Variants in TARBP1 observed in about 807,000 individuals in gnomAD.
The protein encoded by TARBP1 is tRNA guanosine 2 -O-methyltransferase TARBP1, also known as tRNA (guanosine(18)-2'-O)-methyltransferase TARBP1.
Under a neutral mutation model 178.6 loss-of-function variants are expected in TARBP1, and 144 were observed. The observed-to-expected ratio is 0.81, with a 90% CI of 0.70 to 0.93. TARBP1 has a LOEUF of 0.93. Among genes scored for constraint, TARBP1 ranks in the 40% least tolerant of loss-of-function variants. The pLI is 0.00. For synonymous variants in TARBP1, 787 were observed against 781.0 expected, an observed-to-expected ratio of 1.01 and a Z score of -0.13; for missense variants, 2,067 against 2,011.7, an observed-to-expected ratio of 1.03 and a Z score of -0.53.
intron 20 of TARBP1, among the ~76,000 whole-genome samples, chr1:234,422,229 ATCT>A (rs755365171): frequency 2.0e-5 from 3 of 152,070 alleles, no homozygotes; most frequent in Non-Finnish European, 2.9e-5. Context: ...TCAGCTCAAA[ATCT>A]TCTTCTGTCT....
rs1246385446 is a variant in TARBP1, at chr1:234,392,406, A to G, written c.4697+10T>C. ...CAGAGAATATACTATGGACACAAGA[A>G]GCTTCTTACCCCAACAAGAGCAGAG... On this transcript the variant is annotated intron_variant, in intron 29 of 29. Transcript: ENST00000040877. 6 of 1,612,882 alleles carry G rather than the reference A, an allele frequency of 3.7e-6. No individual in the cohort carries two copies. The Admixed American group carries it at 1.0e-4, about 27-fold the overall frequency.
Position 234,457,823 on chromosome 1 carries a change from C to T in TARBP1, c.1633-67G>A, listed in dbSNP as rs996068068. The T allele has an allele frequency of 4.3e-6, 5 of 1,175,522 alleles. No individual in the cohort carries two copies. The African/African-American group carries it at 7.7e-5, about 18-fold the overall frequency. The allele number at this position is 1,175,522 out of a possible 1,614,324, so 72.8% of individuals were successfully genotyped here. On this transcript the variant is annotated intron_variant, in intron 8 of 29. Coordinates refer to ENST00000040877, the MANE Select transcript of TARBP1 (RefSeq NM_005646.4). The stretch of plus-strand genomic sequence containing the variant: ...AATGTTTAATTGAATAAACTAAAAC[C>T]ACTGTGAAGGCAATCAATTCTACTA...
At chr1:234,452,445 A>G (rs1328930511) in intron 9 of TARBP1, among the ~76,000 whole-genome samples, 1 of 152,234 alleles carries the variant, frequency 6.6e-6, no homozygotes, top group Admixed American at 6.5e-5. Context: ...GAAGACATAC[A>G]GATGGTAAAT....
intron 22 of TARBP1, among the ~76,000 whole-genome samples, chr1:234,415,357 G>C (rs1330501122): frequency 2.0e-5 from 3 of 152,196 alleles, no homozygotes; most frequent in Non-Finnish European, 4.4e-5. Context: ...TTGTCTGATT[G>C]CTCTAGAGAA....
intron 12 of TARBP1, among the ~76,000 whole-genome samples, chr1:234,439,682 C>A (rs1205012050): frequency 1.3e-5 from 2 of 152,060 alleles, no homozygotes; most frequent in African/African-American, 4.8e-5. Flanking sequence ...AAAAATTAGC[C>A]AGGCATGATG....
chr1:234,464,218 C>T (rs1668196679), intron 5 of TARBP1, among the ~76,000 whole-genome samples: 1 of 152,112 alleles, frequency 6.6e-6, no homozygotes, highest in South Asian at 2.1e-4. Flanking sequence ...TCTTGCTAAA[C>T]AGTATCATAA....
At chr1:234,431,193 CT>C (rs1464195115) in intron 14 of TARBP1, among the ~76,000 whole-genome samples, 3 of 152,162 alleles carry the variant, frequency 2.0e-5, no homozygotes, top group Non-Finnish European at 4.4e-5. Context: ...TTCCATACCC[CT>C]CTTTCACTCT....
chr1:234,427,478 A>G (rs929354629), intron 18 of TARBP1, 90 bp from the exon 19 acceptor site: 10 of 1,437,440 alleles, frequency 7.0e-6, no homozygotes, highest in East Asian at 2.5e-5. Flanking sequence ...AATAATTTAT[A>G]TTCTTTTAAT....
intron 20 of TARBP1, 29 bp downstream of exon 20, chr1:234,425,644 A>G (rs1326861967): frequency 6.2e-7 from 1 of 1,600,612 alleles, no homozygotes. Flanking sequence ...TGTTAAAAAC[A>G]AAGATAATTT....
chr1:234,449,403 G>A (rs1666512726), intron 10 of TARBP1, among the ~76,000 whole-genome samples: 1 of 152,214 alleles, frequency 6.6e-6, no homozygotes, highest in African/African-American at 2.4e-5. Context: ...AACTCCGTAA[G>A]AGGCAATTCT....
At chr1:234,440,895 A>G (rs1204014072) in intron 12 of TARBP1, among the ~76,000 whole-genome samples, 1 of 152,222 alleles carries the variant, frequency 6.6e-6, no homozygotes, top group East Asian at 1.9e-4. Flanking sequence ...AAGTAAATGC[A>G]GAGACAGGCC....
chr1:234,478,335 G>T lies in TARBP1; in HGVS notation c.769C>A (p.Pro257Thr). ...DRARGAREAG[P>T]DARRCWRFWR... is the part of the protein sequence containing the mutation. ...AAGCGCCAGCAGCGCCGGGCGTCCGGGCCCGCCTCGCGCGCGCCGCGGGCG... is the reference window on the plus strand; with the variant it reads ...AAGCGCCAGCAGCGCCGGGCGTCCGTGCCCGCCTCGCGCGCGCCGCGGGCG... The change falls in exon 1 of 30, where the codon CCG (proline) becomes ACG (threonine). Residue 257 changes from proline to threonine, a missense_variant. Pro to Thr is a conservative substitution (Grantham distance 38, BLOSUM62 -1). Coordinates refer to ENST00000040877, the MANE Select transcript of TARBP1 (RefSeq NM_005646.4). 1 of 1,293,600 alleles carries T rather than the reference G, an allele frequency of 7.7e-7. No individual in the cohort carries two copies. The highest frequency in any genetic ancestry group is 3.2e-5 in the East Asian group (1 of 31,276). The allele number at this position is 1,293,600 out of a possible 1,614,324, so 80.1% of individuals were successfully genotyped here.
rs1659479236 is a variant in TARBP1 at position 234,392,449 on chromosome 1, T to C, written c.4664A>G (p.Tyr1555Cys). 5 of 1,614,196 alleles carry C rather than the reference T, an allele frequency of 3.1e-6. No individual in the cohort carries two copies. Among genetic ancestry groups the C allele is most frequent in the Admixed American group, 1.7e-5 (1 of 60,032 alleles). Residue 1555 changes from tyrosine (Y) to cysteine (C), a missense_variant, in exon 29 of 30, where the codon TAT becomes TGT. Tyr to Cys is a radical substitution (Grantham distance 194). Coordinates refer to ENST00000040877, the MANE Select transcript of TARBP1 (RefSeq NM_005646.4). ...QTAKSLDLTQ[Y>C]CFPEKSLLLL... ...GAGCAGAGATTTCTCAGGAAAGCAA[T>C]ATTGGGTTAGGTCTAAACTTTTGGC...
intron 14 of TARBP1, among the ~76,000 whole-genome samples, chr1:234,431,013 T>G (rs1050881080): frequency 6.6e-6 from 1 of 152,148 alleles, no homozygotes; most frequent in Non-Finnish European, 1.5e-5. Flanking sequence ...GAAAGGAGGG[T>G]AGCCAAGACA....
rs1206609767 is a variant in TARBP1 at position 234,451,470 on chromosome 1, G to T, written c.1723-904C>A. On this transcript the variant is annotated intron_variant, in intron 9 of 29. Transcript: ENST00000040877. ...CAAAGATAAAACTGATGAATGGGCC[G>T]GGCGCGGTGGCTCACGCCTGTAATC... is the stretch of plus-strand genomic sequence containing the variant. 3.9e-5 allele frequency among the ~76,000 whole-genome samples: 4 copies of T among 102,910 alleles called. 1 individual carries two copies. The highest frequency in any genetic ancestry group is 1.5e-4 in the African/African-American group (3 of 19,548). 67.5% of individuals were successfully genotyped at this position (102,910 alleles called of 152,430 possible).
chr1:234,456,205 GTTAT>G (rs1459706817), intron 9 of TARBP1, among the ~76,000 whole-genome samples: 3 of 152,160 alleles, frequency 2.0e-5, no homozygotes, highest in African/African-American at 7.2e-5. Context: ...TCCTCCCAAT[GTTAT>G]TTACTTTTTG....
At chr1:234,471,297 C>A in intron 2 of TARBP1, 40 bp from the exon 3 acceptor site, 1 of 1,347,936 alleles carries the variant, frequency 7.4e-7, no homozygotes, top group Non-Finnish European at 1.0e-6. Flanking sequence ...AATGAAAATG[C>A]ATCTTGAAAA....
chr1:234,435,275 C>T (rs746684579), intron 13 of TARBP1, among the ~76,000 whole-genome samples: 7 of 152,050 alleles, frequency 4.6e-5, no homozygotes, highest in Non-Finnish European at 8.8e-5. Context: ...CATAGTGAAA[C>T]TCCGTCTCTA....
rs986948640 is a variant in TARBP1 at position 234,478,158 on chromosome 1, C to T, written c.931+15G>A. ...AAGTAGGTAGCACTAGGCTGGGGGGCAAAGAGGCAGGTACCGTTTCCTTCC... is the reference window on the plus strand; with the variant it reads ...AAGTAGGTAGCACTAGGCTGGGGGGTAAAGAGGCAGGTACCGTTTCCTTCC... On this transcript the variant is annotated intron_variant, in intron 1 of 29. Transcript: ENST00000040877. The T allele has an allele frequency of 1.2e-6, 2 of 1,610,840 alleles. No individual in the cohort carries two copies. Among genetic ancestry groups the T allele is most frequent in the East Asian group, 2.2e-5 (1 of 44,746 alleles).
Sources: allele counts gnomAD v4.1 joint callset (sites outside exome capture counted in the v4.1 genomes callset), GRCh38; gene constraint gnomAD v4.1.1; transcripts MANE v1.5; gene names NCBI Gene and HGNC (gene_info 2026-07-23, HGNC 2026-07-21).